Variants in SNURF observed in about 807,000 individuals in gnomAD.
SNURF encodes the protein SNURF protein.
In SNURF, 6 loss-of-function variants were observed where a neutral mutation model predicts 11.6. That is an observed-to-expected ratio of 0.52 (90% CI 0.28 to 1.02). The LOEUF (loss-of-function observed/expected upper bound fraction) is 1.02, where lower values mean the gene tolerates loss of function less well. SNURF is among the 50% of genes least tolerant of loss of function. The probability of loss-of-function intolerance (pLI) is 0.09; values close to 1 mark genes in which losing one functional copy is unlikely to be tolerated. For missense variants in SNURF, 84 were observed against 88.4 expected, an observed-to-expected ratio of 0.95 and a Z score of 0.20; for synonymous variants, 29 against 31.6, an observed-to-expected ratio of 0.92 and a Z score of 0.27.
At chr15:24,955,413 G>A (rs557440540) in intron 1 of SNURF, among the ~76,000 whole-genome samples, 2 of 152,092 alleles carry the variant, frequency 1.3e-5, no homozygotes, top group Admixed American at 6.5e-5. Context: ...GTACATCAGG[G>A]TGATTGCAGT....
At chr15:24,962,032 A>T in intron 1 of SNURF, 82 bp from the exon 2 acceptor site, 1 of 1,099,304 alleles carries the variant, frequency 9.1e-7, no homozygotes, top group Non-Finnish European at 1.4e-6. Context: ...TATTAAATGT[A>T]GTTCTAAATA....
At chr15:24,977,888 A>T (rs765419900), downstream of SNURF, 4 of 1,582,316 alleles carry the variant, frequency 2.5e-6, no homozygotes, top group African/African-American at 5.4e-5. Context: ...CTCCGCCCCC[A>T]CCCGTCGGCA....
chr15:24,962,216 A>G lies in SNURF; in HGVS notation c.110+7A>G. ...CCTCACTGAGCAACCAAGAGTGAGT[A>G]CAGACTGTGTTGGGAACAAATGCAA... On this transcript the variant is annotated splice_region_variant and intron_variant, in intron 2 of 2. Transcript: ENST00000577949. The G allele has an allele frequency of 6.2e-7, 1 of 1,610,908 alleles. No homozygotes were observed.
At chr15:24,972,424 T>C (rs1015335387), downstream of SNURF, among the ~76,000 whole-genome samples, 8 of 151,866 alleles carry the variant, frequency 5.3e-5, no homozygotes, top group African/African-American at 1.7e-4. Flanking sequence ...TGTGGAGGTC[T>C]TTGTTTGCTT....
chr15:24,978,329 G>A (rs1280767818), downstream of SNURF: 1 of 1,614,066 alleles, frequency 6.2e-7, no homozygotes, highest in Non-Finnish European at 8.5e-7. Flanking sequence ...GTGAGTGGGA[G>A]CATAGGGGTT....
intron 2 of SNURF, among the ~76,000 whole-genome samples, chr15:24,963,626 AAAAAG>A (rs1274075100): frequency 6.6e-6 from 1 of 152,068 alleles, no homozygotes; most frequent in Non-Finnish European, 1.5e-5. Context: ...GGAAAAAAAA[AAAAAG>A]AAAATGCAGT....
At chr15:24,978,136 TTC>T (rs543079112), downstream of SNURF, 5 of 1,570,296 alleles carry the variant, frequency 3.2e-6, no homozygotes, top group South Asian at 5.6e-5. Context: ...TTGGGCTAAA[TTC>T]TAACTTTTCT....
At chr15:24,964,863 C>T (rs1313867259) in intron 2 of SNURF, among the ~76,000 whole-genome samples, 1 of 152,126 alleles carries the variant, frequency 6.6e-6, no homozygotes, top group Admixed American at 6.5e-5. Context: ...GCATCTTGTC[C>T]ATATTTATGG....
intron 2 of SNURF, among the ~76,000 whole-genome samples, chr15:24,967,485 C>CA (rs2075810364): frequency 6.6e-6 from 1 of 151,816 alleles, no homozygotes; most frequent in East Asian, 2.0e-4. Context: ...ACTAAAAATA[C>CA]AAAAAAATTA....
At chr15:24,977,956 G>C (rs2077253176), downstream of SNURF, 5 of 1,507,936 alleles carry the variant, frequency 3.3e-6, no homozygotes, top group East Asian at 9.2e-5. Context: ...TTGAATCTCT[G>C]ATGAGAGATA....
Position 24,974,683 on chromosome 15 carries a change from C to T in SNURF, c.*46-675C>T, listed in dbSNP as rs527836429. ...TCTCCCAGTCTGGAGTGCAGTGGTG[C>T]GGTCTTGGCTCACTGCAACCCTGGG... On this transcript the variant is annotated intron_variant and NMD_transcript_variant, in intron 3 of 6. Coordinates refer to the SNURF transcript ENST00000580062. 1.9e-4 allele frequency: 115 copies of T among 616,486 alleles called. 1 individual carries two copies. The highest frequency in any genetic ancestry group is 1.6e-3 in the South Asian group (82 of 50,676). 38.2% of individuals were successfully genotyped at this position (616,486 alleles called of 1,614,324 possible). A position where few individuals can be genotyped will look rare whatever the true frequency, so the allele number is the denominator to read the frequency against.
At chr15:24,967,849 A>C in intron 2 of SNURF, 83 bp from the exon 3 acceptor site, 3 of 1,049,954 alleles carry the variant, frequency 2.9e-6, no homozygotes, top group Non-Finnish European at 2.9e-6. Flanking sequence ...CTTAAATGTA[A>C]GGGTACCTAG....
At chr15:24,963,487 T>G (rs1304842999) in intron 2 of SNURF, among the ~76,000 whole-genome samples, 2 of 151,856 alleles carry the variant, frequency 1.3e-5, no homozygotes, top group Non-Finnish European at 2.9e-5. Context: ...TGGTGGCACG[T>G]GCCTGTAATC....
chr15:24,964,965 G>A (rs192952660), intron 2 of SNURF, among the ~76,000 whole-genome samples: 4 of 152,220 alleles, frequency 2.6e-5, no homozygotes. Context: ...TCTTGAGTTG[G>A]GGGAATGATC....
chr15:24,962,306 TGA>T, intron 2 of SNURF, 97 bp downstream of exon 2: 1 of 969,268 alleles, frequency 1.0e-6, no homozygotes, highest in Non-Finnish European at 1.6e-6. Context: ...TGAACATAAT[TGA>T]AGAAGCAGAC....
chr15:24,962,376 A>G (rs1386946685), intron 2 of SNURF, among the ~76,000 whole-genome samples, 167 bp downstream of exon 2: 2 of 152,250 alleles, frequency 1.3e-5, no homozygotes, highest in African/African-American at 4.8e-5. Context: ...ATATTATCCT[A>G]AAATAATTCA....
chr15:24,968,121 A>G (rs949308703), exon 3 of SNURF: 11 of 1,204,860 alleles, frequency 9.1e-6, no homozygotes, highest in Admixed American at 1.8e-5. Context: ...ATAAAGAATC[A>G]TTAAAGAATG....
rs199839388 is a variant in SNURF at position 24,962,151 on chromosome 15, G to A, written c.52G>A (p.Val18Ile). ...CCTGAGACGAACTACAGAACAGCAC[G>A]TACCAGAGGTGGAAGTCCAAGTCAA... is the stretch of plus-strand genomic sequence containing the variant. The change falls in exon 2 of 3, where the codon GTA becomes ATA. Residue 18 changes from valine to isoleucine, a missense_variant. Physicochemically the swap from Val to Ile is conservative, Grantham distance 29. Coordinates refer to ENST00000577949, the Ensembl canonical transcript of SNURF. 238 of 1,614,004 alleles carry A rather than the reference G, an allele frequency of 1.5e-4. 1 individual carries two copies. Among genetic ancestry groups the A allele is most frequent in the Non-Finnish European group, 1.5e-4 (173 of 1,180,030 alleles).
downstream of SNURF, chr15:24,978,686 C>T (rs2077330636): frequency 3.7e-6 from 2 of 546,500 alleles, no homozygotes; most frequent in Admixed American, 6.9e-5. Context: ...ATCATATTCT[C>T]TTTAATTCTT....
Sources: allele counts gnomAD v4.1 joint callset (sites outside exome capture counted in the v4.1 genomes callset), GRCh38; gene constraint gnomAD v4.1.1; transcripts MANE v1.5; gene names NCBI Gene and HGNC (gene_info 2026-07-23, HGNC 2026-07-21).